PRIM2: variants seen among roughly 807,000 people sequenced by gnomAD.
The protein encoded by PRIM2 is DNA primase large subunit.
A neutral mutation model predicts 67.3 loss-of-function variants in PRIM2; 39 were observed. The observed-to-expected ratio is 0.58, with a 90% CI of 0.45 to 0.76. The LOEUF is 0.76. PRIM2 is among the 30% of genes least tolerant of loss of function. PRIM2 has a pLI of 0.00. For synonymous variants in PRIM2, 143 were observed against 198.7 expected, an observed-to-expected ratio of 0.72 and a Z score of 2.36; for missense variants, 398 against 598.7, an observed-to-expected ratio of 0.66 and a Z score of 3.50.
intron 5 of PRIM2, among the ~76,000 whole-genome samples, chr6:57,372,977 C>T (rs918600022): frequency 4.6e-5 from 7 of 152,122 alleles, no homozygotes; most frequent in African/African-American, 9.7e-5. Flanking sequence ...GGTATATACC[C>T]GGTAATGGGA....
the PRIM2 span, among the ~76,000 whole-genome samples, chr6:57,293,239 T>A: frequency 6.6e-6 from 1 of 152,218 alleles, no homozygotes; most frequent in Non-Finnish European, 1.5e-5. Flanking sequence ...GAAGAAATAC[T>A]CATCGTCACT....
rs377598461 is a variant in PRIM2 at position 57,412,923 on chromosome 6, T to C, written c.693+30755T>C. ...TTACTGGGAAATGGATAGAGTGATA[T>C]AGAGTATAAGAACCATAGTCTTATC... On this transcript the variant is annotated intron_variant, in intron 7 of 13. Transcript: ENST00000615550. Among the ~76,000 whole-genome samples, 971 of 152,236 alleles carry C rather than the reference T, an allele frequency of 6.4e-3. 9 individuals are homozygous for C. The highest frequency in any genetic ancestry group is 0.02 in the Middle Eastern group (6 of 294).
chr6:57,536,603 A>G (rs1368493655), intron 9 of PRIM2, among the ~76,000 whole-genome samples: 1 of 152,226 alleles, frequency 6.6e-6, no homozygotes, highest in African/African-American at 2.4e-5. Flanking sequence ...AGTGTTCTTC[A>G]ATGAGTGAAT....
At chr6:57,488,815 C>T (rs2127408743) in intron 7 of PRIM2, among the ~76,000 whole-genome samples, 1 of 152,342 alleles carries the variant, frequency 6.6e-6, no homozygotes, top group Admixed American at 6.5e-5. Flanking sequence ...TCTCACCCTG[C>T]AGCCAAGGCA....
intron 7 of PRIM2, chr6:57,383,506 C>A: frequency 1.3e-5 from 2 of 148,460 alleles, no homozygotes; most frequent in Non-Finnish European, 3.0e-5. Flanking sequence ...TAATTTATGC[C>A]TGTGACAATG....
chr6:57,296,469 G>C, the PRIM2 span, among the ~76,000 whole-genome samples: 2 of 152,082 alleles, frequency 1.3e-5, no homozygotes, highest in African/African-American at 4.8e-5. Context: ...AAAGGGAGAA[G>C]GGTAGAATGA....
chr6:57,639,989 A>T (rs1235544134), intron 13 of PRIM2, among the ~76,000 whole-genome samples: 6 of 152,062 alleles, frequency 3.9e-5, no homozygotes, highest in Non-Finnish European at 7.4e-5. Flanking sequence ...ATCCTCAATA[A>T]AATACTGGCA....
chr6:57,463,202 T>A (rs1773065110), intron 7 of PRIM2, among the ~76,000 whole-genome samples: 1 of 152,158 alleles, frequency 6.6e-6, no homozygotes, highest in Non-Finnish European at 1.5e-5. Flanking sequence ...AACTAGAAAA[T>A]GAGGCGAGGC....
At chr6:57,470,786 A>G (rs1346862639) in intron 7 of PRIM2, among the ~76,000 whole-genome samples, 2 of 152,168 alleles carry the variant, frequency 1.3e-5, no homozygotes, top group African/African-American at 4.8e-5. Flanking sequence ...TTTCATTTTT[A>G]TGGTTCAAAT....
Position 57,463,322 on chromosome 6 carries a change from G to A in PRIM2, c.694-44065G>A, listed in dbSNP as rs1324421839. Reference sequence around the variant, plus strand: ...GTTTGGGCAACATGGTGAGACCCCCGTCTCTACAAAAAATAAAAAATTAGC... The same window carrying A: ...GTTTGGGCAACATGGTGAGACCCCCATCTCTACAAAAAATAAAAAATTAGC... On this transcript the variant is annotated intron_variant, in intron 7 of 13. Transcript: ENST00000615550. Among the ~76,000 whole-genome samples, 71 of 152,172 alleles carry A rather than the reference G, an allele frequency of 4.7e-4. 1 individual carries two copies. The Middle Eastern group carries it at 0.01, about 22-fold the overall frequency.
intron 5 of PRIM2, among the ~76,000 whole-genome samples, chr6:57,341,535 T>C (rs1010548090): frequency 2.0e-5 from 3 of 152,174 alleles, no homozygotes; most frequent in African/African-American, 7.2e-5. Context: ...TGAATTCAGG[T>C]GCTGTTGATT....
intron 10 of PRIM2, among the ~76,000 whole-genome samples, chr6:57,555,799 TAAAAAC>T (rs1421087587): frequency 1.3e-5 from 2 of 151,764 alleles, no homozygotes; most frequent in Non-Finnish European, 2.9e-5. Context: ...AAATGAAAAA[TAAAAAC>T]AAAATATTGA....
chr6:57,365,697 C>T (rs540207607), intron 5 of PRIM2, among the ~76,000 whole-genome samples: 11 of 152,212 alleles, frequency 7.2e-5, no homozygotes, highest in East Asian at 1.9e-4. Context: ...CGGTAGCTCG[C>T]GCCTGTGATC....
rs1773888589 is a variant in PRIM2 at position 57,491,424 on chromosome 6, G to A, written c.694-15963G>A. On this transcript the variant is annotated intron_variant, in intron 7 of 13. Transcript: ENST00000615550. Reference sequence around the variant, plus strand: ...CCTTCCTGATTGAAAAAGATACAGGGTGGCAGGTCATGATACATAACCTTG... The same window carrying A: ...CCTTCCTGATTGAAAAAGATACAGGATGGCAGGTCATGATACATAACCTTG... 2.6e-5 allele frequency among the ~76,000 whole-genome samples: 4 copies of A among 152,158 alleles called. No individual in the cohort carries two copies. In the South Asian group the frequency reaches 8.3e-4, roughly 31 times the overall value.
At chr6:57,428,696 C>T (rs1771713273) in intron 7 of PRIM2, among the ~76,000 whole-genome samples, 1 of 152,014 alleles carries the variant, frequency 6.6e-6, no homozygotes. Flanking sequence ...CTAGGCTTCC[C>T]TAGAGATTCT....
Position 57,601,210 on chromosome 6 carries a change from G to A in PRIM2, c.1138G>A (p.Asp380Asn), listed in dbSNP as rs1408020895. ...TCTGTCCAATCCACCAAGCCAAGGG[G>A]ATTATCATGGTAAGTGCCTCCACTG... ...IILSNPPSQG[D>N]YHGCPFRHSD... Residue 380 changes from aspartate to asparagine, a missense_variant, in exon 11 of 14, where the codon GAT becomes AAT. Transcript: ENST00000615550. 1.3e-5 allele frequency: 21 copies of A among 1,606,104 alleles called. No individual in the cohort carries two copies. Among genetic ancestry groups the A allele is most frequent in the Non-Finnish European group, 1.7e-5 (20 of 1,176,970 alleles).
chr6:57,277,919 G>A, the PRIM2 span, among the ~76,000 whole-genome samples: 2 of 152,034 alleles, frequency 1.3e-5, no homozygotes, highest in South Asian at 2.1e-4. Flanking sequence ...GGGAGGTGGA[G>A]CTTGCAGTGA....
At chr6:57,549,305 G>A (rs1447501313) in intron 10 of PRIM2, among the ~76,000 whole-genome samples, 1 of 152,170 alleles carries the variant, frequency 6.6e-6, no homozygotes, top group African/African-American at 2.4e-5. Context: ...ATCTTCGTTC[G>A]ATGGAGAGTT....
At chr6:57,411,081 A>G (rs1308271895) in intron 7 of PRIM2, among the ~76,000 whole-genome samples, 1 of 151,782 alleles carries the variant, frequency 6.6e-6, no homozygotes, top group African/African-American at 2.4e-5. Flanking sequence ...CTTCATGGTA[A>G]TGAGTTCTCC....
Sources: allele counts gnomAD v4.1 joint callset (sites outside exome capture counted in the v4.1 genomes callset), GRCh38; gene constraint gnomAD v4.1.1; transcripts MANE v1.5; gene names NCBI Gene and HGNC (gene_info 2026-07-23, HGNC 2026-07-21).